The following SLC35F4 variants were observed in gnomAD, a reference collection of about 807,000 sequenced individuals.
The protein encoded by SLC35F4 is chromosome 14 open reading frame 36.
A neutral mutation model predicts 44.2 loss-of-function variants in SLC35F4; 24 were observed. The observed-to-expected ratio is 0.54, with a 90% CI of 0.39 to 0.76. The LOEUF (loss-of-function observed/expected upper bound fraction) is 0.76. Ranked by LOEUF, SLC35F4 falls within the 30% of genes least tolerant of loss-of-function variation. The pLI is 0.00. For synonymous variants in SLC35F4, 238 were observed against 223.6 expected (o/e 1.06, Z -0.57); for missense variants, 562 against 586.1 (o/e 0.96, Z 0.42).
chr14:57,927,467 G>GTT (rs34018712), intron 1 of SLC35F4, among the ~76,000 whole-genome samples: 22 of 140,942 alleles, frequency 1.6e-4, no homozygotes, highest in African/African-American at 4.6e-4. Context: ...GGTGGTTTGA[G>GTT]TTTTTTTTTT....
At chr14:57,951,958 A>G (rs181298249) in intron 1 of SLC35F4, among the ~76,000 whole-genome samples, 4 of 152,316 alleles carry the variant, frequency 2.6e-5, no homozygotes, top group Non-Finnish European at 5.9e-5. Context: ...TGCCTCCTCA[A>G]GTGTGTCCCT....
intron 1 of SLC35F4, among the ~76,000 whole-genome samples, chr14:57,840,183 T>G (rs1324256859): frequency 2.6e-5 from 4 of 152,176 alleles, no homozygotes; most frequent in East Asian, 3.8e-4. Context: ...GAATTCAAAC[T>G]CAAGAGTACA....
intron 1 of SLC35F4, among the ~76,000 whole-genome samples, chr14:57,619,543 T>C (rs1745707): frequency 0.7 from 106,820 of 151,788 alleles, 38,420 homozygotes; most frequent in Middle Eastern, 0.79. Flanking sequence ...CCAAGGTCAC[T>C]AACATCAGAG....
intron 2 of SLC35F4, among the ~76,000 whole-genome samples, chr14:57,592,712 T>C (rs1436438175): frequency 6.6e-6 from 1 of 152,178 alleles, no homozygotes; most frequent in Non-Finnish European, 1.5e-5. Context: ...AAATACATTC[T>C]CAAATGAGTA....
chr14:57,847,756 A>T (rs942255416), intron 1 of SLC35F4, among the ~76,000 whole-genome samples: 5 of 152,206 alleles, frequency 3.3e-5, no homozygotes, highest in African/African-American at 9.6e-5. Flanking sequence ...CCATGTTGTG[A>T]CATCTAAAGT....
chr14:57,725,339 C>T (rs1469104326), intron 1 of SLC35F4, among the ~76,000 whole-genome samples: 1 of 152,166 alleles, frequency 6.6e-6, no homozygotes, highest in Non-Finnish European at 1.5e-5. Context: ...ACACTGAGCC[C>T]TCGATATGGC....
chr14:57,658,811 C>A (rs148063179), intron 1 of SLC35F4, among the ~76,000 whole-genome samples: 1 of 152,140 alleles, frequency 6.6e-6, no homozygotes, highest in Non-Finnish European at 1.5e-5. Context: ...AATCCTAAAA[C>A]GGTATCTAGC....
intron 1 of SLC35F4, among the ~76,000 whole-genome samples, chr14:57,954,354 A>G (rs867243782): frequency 6.6e-6 from 1 of 152,182 alleles, no homozygotes; most frequent in Admixed American, 6.5e-5. Context: ...TAACATCACA[A>G]TTAAAAGAAC....
chr14:57,887,917 T>A (rs955592620), intron 1 of SLC35F4, among the ~76,000 whole-genome samples: 1 of 152,108 alleles, frequency 6.6e-6, no homozygotes, highest in African/African-American at 2.4e-5. Flanking sequence ...ACCATTCTGC[T>A]CAAGATAATT....
rs970096628 is a variant in SLC35F4, at chr14:57,930,832, A to G, written n.282+51081T>C. 2.0e-5 allele frequency among the ~76,000 whole-genome samples: 3 copies of G among 152,280 alleles called. No individual in the cohort carries two copies. In the East Asian group the frequency reaches 5.8e-4, roughly 29 times the overall value. On this transcript the variant is annotated intron_variant and non_coding_transcript_variant, in intron 1 of 1. Coordinates refer to the SLC35F4 transcript ENST00000556568. Reference sequence around the variant, plus strand: ...GCTCTTGACTCATGCTTAAAAGGCAACCACCTAATCGTATAATTCCTCAAG... The same window carrying G: ...GCTCTTGACTCATGCTTAAAAGGCAGCCACCTAATCGTATAATTCCTCAAG...
chr14:57,694,805 TGGC>T, intron 1 of SLC35F4, among the ~76,000 whole-genome samples: 1 of 152,328 alleles, frequency 6.6e-6, no homozygotes, highest in East Asian at 1.9e-4. Flanking sequence ...CTATTGTAGA[TGGC>T]ATTTCAATTT....
chr14:57,662,194 C>G (rs2074159685), intron 1 of SLC35F4, among the ~76,000 whole-genome samples: 1 of 152,174 alleles, frequency 6.6e-6, no homozygotes, highest in African/African-American at 2.4e-5. Flanking sequence ...TCTTTTCCCT[C>G]TCATTCCTTT....
At chr14:57,693,513 C>A (rs1430538363) in intron 1 of SLC35F4, among the ~76,000 whole-genome samples, 2 of 152,240 alleles carry the variant, frequency 1.3e-5, no homozygotes, top group Non-Finnish European at 2.9e-5. Context: ...TAAGGACAAG[C>A]TCCTGCTGCA....
intron 7 of SLC35F4, 99 bp from the exon 8 acceptor site, chr14:57,564,475 T>A (rs2068106996): frequency 7.0e-7 from 1 of 1,437,060 alleles, no homozygotes; most frequent in Non-Finnish European, 9.3e-7. Flanking sequence ...TTTCCAAGAG[T>A]CTTCTTTATT....
At chr14:57,626,809 A>G (rs2072498422) in intron 1 of SLC35F4, among the ~76,000 whole-genome samples, 1 of 152,202 alleles carries the variant, frequency 6.6e-6, no homozygotes, top group Non-Finnish European at 1.5e-5. Context: ...AAAGTGTGGC[A>G]GCACATGGTT....
intron 1 of SLC35F4, among the ~76,000 whole-genome samples, chr14:57,830,165 T>C (rs1237799995): frequency 6.6e-6 from 1 of 152,056 alleles, no homozygotes; most frequent in Non-Finnish European, 1.5e-5. Flanking sequence ...CAAAAGAAAG[T>C]GTTTATGTAG....
intron 1 of SLC35F4, among the ~76,000 whole-genome samples, chr14:57,667,507 C>T (rs2074354441): frequency 6.8e-6 from 1 of 147,160 alleles, no homozygotes; most frequent in African/African-American, 2.6e-5. Context: ...ACAACAGGCC[C>T]CAGTGTGTGA....
At chr14:57,852,876 C>T (rs1212071490) in intron 1 of SLC35F4, among the ~76,000 whole-genome samples, 1 of 152,198 alleles carries the variant, frequency 6.6e-6, no homozygotes, top group African/African-American at 2.4e-5. Flanking sequence ...TTAGGAATCT[C>T]TGCTTCACAA....
chr14:57,738,309 G>C (rs59987465), intron 1 of SLC35F4, among the ~76,000 whole-genome samples: 2,435 of 152,300 alleles, frequency 0.016, 79 homozygotes, highest in African/African-American at 0.056. Context: ...CCTAGGAAGA[G>C]AAATCGCCAA....
Sources: gnomAD v4.1 joint callset for allele counts (sites outside exome capture counted in the v4.1 genomes callset) on GRCh38, gnomAD v4.1.1 for gene constraint, MANE v1.5 for transcripts, NCBI Gene and HGNC (gene_info 2026-07-23, HGNC 2026-07-21) for gene names.